Variants in CAMTA1 observed in about 807,000 individuals in gnomAD.
CAMTA1 encodes calmodulin-binding transcription activator 1.
In CAMTA1, 27 loss-of-function variants were observed where a neutral mutation model predicts 170.9. The observed-to-expected ratio is 0.16, with a 90% CI of 0.12 to 0.22. The LOEUF (loss-of-function observed/expected upper bound fraction) is 0.22, where lower values mean the gene tolerates loss of function less well. CAMTA1 is among the 10% of genes least tolerant of loss of function. The pLI is 1.00. For missense variants in CAMTA1, 1,619 were observed against 2,217.2 expected (o/e 0.73, Z 5.42); for synonymous variants, 833 against 891.5 (o/e 0.93, Z 1.17).
At chr1:7,556,685 A>G (rs1047649010) in intron 6 of CAMTA1, among the ~76,000 whole-genome samples, 25 of 152,024 alleles carry the variant, frequency 1.6e-4, no homozygotes, top group African/African-American at 5.5e-4. Flanking sequence ...AATGCACTCA[A>G]TTCGTCTGCC....
chr1:7,757,740 GAA>G (rs558570160), intron 22 of CAMTA1, among the ~76,000 whole-genome samples: 168 of 149,362 alleles, frequency 1.1e-3, no homozygotes, highest in Non-Finnish European at 2.1e-3. Context: ...TGTCTCAAAA[GAA>G]AAAAAAGAGA....
chr1:6,951,999 C>T (rs1045829272), intron 3 of CAMTA1, among the ~76,000 whole-genome samples: 12 of 152,218 alleles, frequency 7.9e-5, no homozygotes, highest in Non-Finnish European at 1.6e-4. Context: ...AACCCCATCT[C>T]CCACCTGTCC....
chr1:7,184,265 T>TA (rs577536345), intron 4 of CAMTA1, among the ~76,000 whole-genome samples: 94 of 152,124 alleles, frequency 6.2e-4, no homozygotes, highest in Non-Finnish European at 1.3e-3. Context: ...TTAATGGCTA[T>TA]AAAAAAATAG....
At chr1:7,622,745 A>T (rs2095607300) in intron 6 of CAMTA1, among the ~76,000 whole-genome samples, 1 of 152,234 alleles carries the variant, frequency 6.6e-6, no homozygotes, top group African/African-American at 2.4e-5. Flanking sequence ...GAACCATTTC[A>T]TTTATTCAAC....
intron 5 of CAMTA1, among the ~76,000 whole-genome samples, chr1:7,395,999 G>A (rs2089277596): frequency 6.6e-6 from 1 of 152,062 alleles, no homozygotes; most frequent in East Asian, 1.9e-4. Flanking sequence ...ATAAGATCAT[G>A]TCATCTGCAA....
intron 3 of CAMTA1, among the ~76,000 whole-genome samples, chr1:6,981,373 T>A (rs556777393): frequency 6.6e-6 from 1 of 152,242 alleles, no homozygotes; most frequent in African/African-American, 2.4e-5. Context: ...TTTTTACTTA[T>A]GTATTTTTAC....
At chr1:7,553,473 C>T (rs2094835444) in intron 6 of CAMTA1, among the ~76,000 whole-genome samples, 1 of 152,196 alleles carries the variant, frequency 6.6e-6, no homozygotes, top group Non-Finnish European at 1.5e-5. Context: ...CACAGGGCTC[C>T]CCTGGAGGGA....
At chr1:7,090,715 CTCT>C (rs1447012934) in intron 3 of CAMTA1, among the ~76,000 whole-genome samples, 1 of 152,116 alleles carries the variant, frequency 6.6e-6, no homozygotes, top group Non-Finnish European at 1.5e-5. Flanking sequence ...GCTGACGTTG[CTCT>C]TCTTTTGGAT....
chr1:6,985,430 T>C (rs1322820809), intron 3 of CAMTA1, among the ~76,000 whole-genome samples: 1 of 152,232 alleles, frequency 6.6e-6, no homozygotes, highest in African/African-American at 2.4e-5. Flanking sequence ...GAAACCCCTT[T>C]ATGCACTTTT....
intron 4 of CAMTA1, among the ~76,000 whole-genome samples, chr1:7,183,465 A>G (rs557922295): frequency 5.3e-5 from 8 of 152,316 alleles, no homozygotes; most frequent in Non-Finnish European, 1.2e-4. Context: ...CTGGGAATTC[A>G]CCCTTGAAGA....
At chr1:7,710,681 T>G (rs1008546275) in intron 11 of CAMTA1, among the ~76,000 whole-genome samples, 8 of 151,420 alleles carry the variant, frequency 5.3e-5, no homozygotes, top group African/African-American at 1.9e-4. Context: ...GAACTAGCTC[T>G]AGATGTACAA....
intron 3 of CAMTA1, among the ~76,000 whole-genome samples, chr1:7,002,128 C>T (rs1466902337): frequency 6.6e-6 from 1 of 152,084 alleles, no homozygotes; most frequent in Non-Finnish European, 1.5e-5. Context: ...GAACTCCAGA[C>T]CTTGTGATCC....
chr1:6,849,463 T>C (rs1373244088), intron 3 of CAMTA1, among the ~76,000 whole-genome samples: 1 of 151,278 alleles, frequency 6.6e-6, no homozygotes, highest in South Asian at 2.1e-4. Context: ...AGAGGGGACA[T>C]AGAAAGGAAA....
In CAMTA1 at chr1:7,323,507, CTTTTTTTTTTTTT is replaced by C. The variant is rs56382342; in HGVS notation, c.438+73894_438+73906del. Among the ~76,000 whole-genome samples the C allele has an allele frequency of 3.7e-5, 4 of 108,998 alleles. No individual in the cohort carries two copies. The East Asian group carries it at 8.5e-4, about 23-fold the overall frequency. 71.5% of individuals were successfully genotyped at this position (108,998 alleles called of 152,430 possible). A position where few individuals can be genotyped will look rare whatever the true frequency, so the allele number is the denominator to read the frequency against. ...GGATGATTCTATTTCCTTTATTCTTCTTTTTTTTTTTTTTTTTTTTTTTTTATCTTTTTGAGAT... is the reference window on the plus strand; with the variant it reads ...GGATGATTCTATTTCCTTTATTCTTCTTTTTTTTTTTTATCTTTTTGAGAT... On this transcript the variant is annotated intron_variant, in intron 5 of 22. Coordinates refer to ENST00000303635, the MANE Select transcript of CAMTA1 (RefSeq NM_015215.4).
chr1:6,942,828 T>C (rs1235667372), intron 3 of CAMTA1, among the ~76,000 whole-genome samples: 1 of 152,202 alleles, frequency 6.6e-6, no homozygotes, highest in East Asian at 1.9e-4. Flanking sequence ...CCAGCTGTGA[T>C]GGGCAGCACG....
intron 3 of CAMTA1, among the ~76,000 whole-genome samples, chr1:6,957,701 C>T (rs1019193797): frequency 2.3e-4 from 34 of 151,062 alleles, no homozygotes; most frequent in African/African-American, 6.9e-4. Context: ...GTTTCCATCT[C>T]GAGATCAGCT....
At chr1:7,334,372 C>T (rs1186506179) in intron 5 of CAMTA1, among the ~76,000 whole-genome samples, 2 of 152,208 alleles carry the variant, frequency 1.3e-5, no homozygotes, top group African/African-American at 2.4e-5. Flanking sequence ...TCTGTGGCTG[C>T]GTAAGGGGAA....
rs371330421 is a variant in CAMTA1 at position 6,903,355 on chromosome 1, C to T, written c.234+78145C>T. Among the ~76,000 whole-genome samples the T allele has an allele frequency of 2.0e-4, 30 of 152,292 alleles. No homozygotes were observed. The East Asian group carries it at 3.9e-3, about 20-fold the overall frequency. ...GTTTATACACTTCTTAAAACTCATC[C>T]AGCAGATGAAGATCTATACATTTTA... is the stretch of plus-strand genomic sequence containing the variant. On this transcript the variant is annotated intron_variant, in intron 3 of 22. Coordinates refer to ENST00000303635, the MANE Select transcript of CAMTA1 (RefSeq NM_015215.4).
intron 5 of CAMTA1, among the ~76,000 whole-genome samples, chr1:7,297,129 G>C (rs546693703): frequency 1.3e-5 from 2 of 152,300 alleles, no homozygotes; most frequent in East Asian, 3.9e-4. Context: ...AGAGTAAAAA[G>C]CTCTTTGAGT....
Sources: allele counts gnomAD v4.1 joint callset (sites outside exome capture counted in the v4.1 genomes callset), GRCh38; gene constraint gnomAD v4.1.1; transcripts MANE v1.5; gene names NCBI Gene and HGNC (gene_info 2026-07-23, HGNC 2026-07-21).